The following LINGO2 variants were observed in gnomAD, a reference collection of about 807,000 sequenced individuals.
The protein encoded by LINGO2 is leucine rich repeat and Ig domain containing 2.
In LINGO2, 14 loss-of-function variants were observed where a neutral mutation model predicts 30.6. The ratio of observed to expected loss-of-function variants is 0.46; its 90% CI spans 0.30 to 0.72. The LOEUF (loss-of-function observed/expected upper bound fraction) is 0.72, where lower values mean the gene tolerates loss of function less well. Ranked by LOEUF, LINGO2 falls within the 30% of genes least tolerant of loss-of-function variation. The pLI, the probability that LINGO2 is intolerant of heterozygous loss-of-function variation, is 0.07. For missense variants in LINGO2, 729 were observed against 751.7 expected (o/e 0.97, Z 0.35); for synonymous variants, 317 against 288.5 (o/e 1.10, Z -1.00).
At chr9:27,987,620 A>G (rs556109090) in intron 5 of LINGO2, among the ~76,000 whole-genome samples, 53 of 152,008 alleles carry the variant, frequency 3.5e-4, no homozygotes, top group African/African-American at 1.2e-3. Flanking sequence ...CCATCTCACT[A>G]TGGTCAACTA....
At chr9:28,931,382 A>C in the LINGO2 span, among the ~76,000 whole-genome samples, 2 of 152,182 alleles carry the variant, frequency 1.3e-5, no homozygotes, top group Non-Finnish European at 1.5e-5. Context: ...TTGTTTTACA[A>C]CACCACCATG....
At chr9:28,591,305 T>TA (rs1159090549) in intron 1 of LINGO2, among the ~76,000 whole-genome samples, 1 of 151,998 alleles carries the variant, frequency 6.6e-6, no homozygotes, top group Non-Finnish European at 1.5e-5. Context: ...ACTTAAAGTA[T>TA]AATAAAAATA....
chr9:28,715,363 A>T, the LINGO2 span, among the ~76,000 whole-genome samples: 3 of 152,162 alleles, frequency 2.0e-5, no homozygotes, highest in Non-Finnish European at 4.4e-5. Context: ...TTCCTGAAAA[A>T]TGTAAATGAG....
At chr9:28,053,965 T>C (rs1824797836) in intron 4 of LINGO2, among the ~76,000 whole-genome samples, 1 of 151,956 alleles carries the variant, frequency 6.6e-6, no homozygotes, top group Admixed American at 6.6e-5. Flanking sequence ...GGCCAAGTAT[T>C]ATATAGTCTG....
intron 2 of LINGO2, among the ~76,000 whole-genome samples, chr9:28,449,032 C>CGTGT (rs140779747): frequency 0.12 from 16,205 of 137,788 alleles, 1,095 homozygotes; most frequent in East Asian, 0.14. Flanking sequence ...TATTCACATT[C>CGTGT]GTGTGTGTGT....
chr9:29,189,713 C>T, the LINGO2 span, among the ~76,000 whole-genome samples: 5 of 152,304 alleles, frequency 3.3e-5, no homozygotes, highest in South Asian at 1.0e-3. Flanking sequence ...GCACTCCAGC[C>T]TGGGCACGGT....
chr9:28,339,952 T>A (rs147573567), intron 3 of LINGO2, among the ~76,000 whole-genome samples: 59 of 152,300 alleles, frequency 3.9e-4, no homozygotes, highest in African/African-American at 1.2e-3. Context: ...TTGCCTCTAA[T>A]GATCTTGCAA....
the LINGO2 span, among the ~76,000 whole-genome samples, chr9:28,710,589 G>T: frequency 1.3e-5 from 2 of 151,928 alleles, no homozygotes; most frequent in African/African-American, 2.4e-5. Context: ...TTGTTCAGGG[G>T]TTAATAGAAA....
intron 3 of LINGO2, among the ~76,000 whole-genome samples, chr9:28,347,381 A>T (rs912606033): frequency 6.6e-6 from 1 of 152,136 alleles, no homozygotes; most frequent in African/African-American, 2.4e-5. Flanking sequence ...TATGTAGCTC[A>T]ACCCTCCTAA....
chr9:28,694,532 A>T, the LINGO2 span, among the ~76,000 whole-genome samples: 1 of 152,004 alleles, frequency 6.6e-6, no homozygotes, highest in Non-Finnish European at 1.5e-5. Context: ...ATGCTTACTT[A>T]CAACCTCAAA....
chr9:28,348,514 G>A (rs1216789948), intron 3 of LINGO2, among the ~76,000 whole-genome samples: 7 of 152,134 alleles, frequency 4.6e-5, no homozygotes, highest in South Asian at 4.1e-4. Context: ...ACAGAGTCTC[G>A]CTGATTGCTA....
At chr9:28,979,267 G>A in the LINGO2 span, among the ~76,000 whole-genome samples, 156 of 152,140 alleles carry the variant, frequency 1.0e-3, no homozygotes, top group Non-Finnish European at 2.0e-3. Context: ...CACCAAAACT[G>A]TCAGGTAAGA....
intron 4 of LINGO2, among the ~76,000 whole-genome samples, chr9:28,237,853 A>G (rs926177107): frequency 2.0e-5 from 3 of 152,098 alleles, no homozygotes; most frequent in Non-Finnish European, 2.9e-5. Flanking sequence ...GACTCTGTCA[A>G]AAAAACACAC....
At chr9:28,678,651 C>A in the LINGO2 span, among the ~76,000 whole-genome samples, 1 of 152,082 alleles carries the variant, frequency 6.6e-6, no homozygotes, top group Non-Finnish European at 1.5e-5. Flanking sequence ...GTTGTGAGGA[C>A]TGAGTTTATA....
the LINGO2 span, among the ~76,000 whole-genome samples, chr9:28,803,364 A>G: frequency 2.0e-5 from 3 of 151,892 alleles, no homozygotes; most frequent in African/African-American, 7.2e-5. Flanking sequence ...CTGAACTGTA[A>G]TGTGAAATAT....
At chr9:28,335,956 G>T (rs1262018428) in intron 3 of LINGO2, among the ~76,000 whole-genome samples, 3 of 151,952 alleles carry the variant, frequency 2.0e-5, no homozygotes, top group African/African-American at 7.2e-5. Flanking sequence ...ATGCTCAGTA[G>T]TATAATTTTA....
In LINGO2 at chr9:28,590,172, T is replaced by TTGTTAATCC. The variant is rs533972101; in HGVS notation, c.-365+80027_-365+80028insGGATTAACA. Among the ~76,000 whole-genome samples, 468 of 152,232 alleles carry TTGTTAATCC rather than the reference T, an allele frequency of 3.1e-3. 7 individuals carry two copies. The highest frequency in any genetic ancestry group is 0.011 in the African/African-American group (451 of 41,528). On this transcript the variant is annotated intron_variant, in intron 1 of 5. Transcript: ENST00000379992. The stretch of plus-strand genomic sequence containing the variant: ...AATTAATTCAAGATGGATTAAAGCC[T>TTGTTAATCC]TACATGTTAGACCTAAAACCATAAA...
chr9:28,797,392 A>AGAGG, the LINGO2 span, among the ~76,000 whole-genome samples: 36 of 146,114 alleles, frequency 2.5e-4, no homozygotes, highest in Middle Eastern at 3.7e-3. Flanking sequence ...AGAGAGAGAG[A>AGAGG]GAGAAAGCCT....
chr9:29,208,077 T>C, the LINGO2 span, among the ~76,000 whole-genome samples: 600 of 152,100 alleles, frequency 3.9e-3, 1 homozygote, highest in South Asian at 6.8e-3. Flanking sequence ...TAAGATAATA[T>C]ATTAGGTTTG....
Sources: allele counts gnomAD v4.1 joint callset (sites outside exome capture counted in the v4.1 genomes callset), GRCh38; gene constraint gnomAD v4.1.1; transcripts MANE v1.5; gene names NCBI Gene and HGNC (gene_info 2026-07-23, HGNC 2026-07-21).